The following P3H2 variants were observed in gnomAD, a reference collection of about 807,000 sequenced individuals.
The protein encoded by P3H2 is prolyl 3-hydroxylase 2.
P3H2 carries 80 observed loss-of-function variants against 87.0 expected under a neutral mutation model. The observed-to-expected ratio is 0.92, with a 90% CI of 0.77 to 1.11. P3H2 has a LOEUF of 1.11. Ranked by LOEUF, P3H2 falls within the 50% of genes least tolerant of loss-of-function variation. P3H2 has a pLI of 0.00. For synonymous variants in P3H2, 367 were observed against 359.3 expected, an observed-to-expected ratio of 1.02 and a Z score of -0.24; for missense variants, 1,001 against 923.9, an observed-to-expected ratio of 1.08 and a Z score of -1.08.
intron 8 of P3H2, among the ~76,000 whole-genome samples, chr3:189,977,467 G>C (rs1723386661): frequency 6.6e-6 from 1 of 152,166 alleles, no homozygotes; most frequent in Non-Finnish European, 1.5e-5. Context: ...ACTGAAACCG[G>C]TGAGAGATCC....
At position 190,120,622 on chromosome 3, in the gene P3H2, T is replaced by C. The variant is rs763838283; in HGVS notation, c.110A>G (p.Glu37Gly). 2 of 1,531,892 alleles carry C rather than the reference T, an allele frequency of 1.3e-6. No homozygotes were observed. The highest frequency in any genetic ancestry group is 1.4e-5 in the African/African-American group (1 of 70,974). 94.9% of individuals were successfully genotyped at this position (1,531,892 alleles called of 1,614,324 possible). A position where few individuals can be genotyped will look rare whatever the true frequency, so the allele number is the denominator to read the frequency against. Residue 37 changes from glutamate to glycine, a missense_variant, in exon 1 of 15, where the codon GAG becomes GGG. By Grantham distance (98) the Glu-to-Gly change is moderately conservative. Coordinates refer to ENST00000319332, the MANE Select transcript of P3H2 (RefSeq NM_018192.4). ...GTCGAAGGGCTGCAGAGGCCCGGGCTCCAGCTCCAGCTCCCGGCGTGGGCT... is the reference window on the plus strand; with the variant it reads ...GTCGAAGGGCTGCAGAGGCCCGGGCCCCAGCTCCAGCTCCCGGCGTGGGCT... ...PDSPRRELEL[E>G]PGPLQPFDLL...
At chr3:190,067,178 T>C (rs1006055913) in intron 1 of P3H2, among the ~76,000 whole-genome samples, 3 of 152,024 alleles carry the variant, frequency 2.0e-5, no homozygotes, top group African/African-American at 7.2e-5. Context: ...TTGTGTATTT[T>C]TGTAGATGTC....
chr3:190,093,728 T>C (rs1475865206), intron 1 of P3H2, among the ~76,000 whole-genome samples: 1 of 152,224 alleles, frequency 6.6e-6, no homozygotes, highest in East Asian at 1.9e-4. Context: ...GTTTGCTTTG[T>C]TTTGGGTTTG....
At position 189,956,959 on chromosome 3, in the gene P3H2, G is replaced by A. The variant is rs995398657; in HGVS notation, c.*953C>T. On this transcript the variant is annotated 3_prime_UTR_variant, in exon 15 of 15. Transcript: ENST00000319332. ...GCAGTATTCAAGAGTTTCTTCCAAA[G>A]TCACCAGGGTGAAAAGCCATTCTAC... The A allele has an allele frequency of 2.0e-5, 8 of 396,420 alleles. No homozygotes were observed. The highest frequency in any genetic ancestry group is 2.7e-5 in the Non-Finnish European group (6 of 225,262). 24.6% of individuals were successfully genotyped at this position (396,420 alleles called of 1,614,324 possible).
chr3:189,962,268 G>A (rs1560336912), intron 14 of P3H2, among the ~76,000 whole-genome samples: 1 of 148,026 alleles, frequency 6.8e-6, no homozygotes, highest in Admixed American at 6.9e-5. Context: ...TCCACCTCCT[G>A]GGTTCAAGCG....
At chr3:190,060,594 T>C (rs545401770) in intron 1 of P3H2, among the ~76,000 whole-genome samples, 18 of 152,324 alleles carry the variant, frequency 1.2e-4, no homozygotes, top group African/African-American at 3.8e-4. Flanking sequence ...TTTTATAGAA[T>C]TGGATGATGC....
intron 1 of P3H2, among the ~76,000 whole-genome samples, chr3:190,111,071 C>T (rs901122930): frequency 2.0e-5 from 3 of 149,042 alleles, no homozygotes; most frequent in Admixed American, 6.7e-5. Flanking sequence ...CTTCTACTTC[C>T]CTTCCAAAGA....
chr3:189,996,842 C>T (rs912952505), intron 1 of P3H2, among the ~76,000 whole-genome samples: 1 of 152,148 alleles, frequency 6.6e-6, no homozygotes, highest in Non-Finnish European at 1.5e-5. Flanking sequence ...TGCTTTACCA[C>T]ACAGCTTTGA....
At chr3:190,099,595 T>G (rs1036228538) in intron 1 of P3H2, among the ~76,000 whole-genome samples, 1 of 152,182 alleles carries the variant, frequency 6.6e-6, no homozygotes, top group East Asian at 1.9e-4. Context: ...TGAACCAAGG[T>G]TGGCTGAAAT....
At chr3:189,972,042 G>T in intron 11 of P3H2, 35 bp from the exon 12 acceptor site, 2 of 1,293,646 alleles carry the variant, frequency 1.5e-6, no homozygotes, top group South Asian at 1.2e-5. Context: ...AACGAGAAAT[G>T]AAGTGCAGCA....
chr3:190,098,209 G>A (rs1288486152), intron 1 of P3H2, among the ~76,000 whole-genome samples: 2 of 151,986 alleles, frequency 1.3e-5, no homozygotes, highest in Non-Finnish European at 2.9e-5. Flanking sequence ...AGTCCTTATT[G>A]CATACGTGTT....
chr3:189,975,064 C>T (rs1387763757), intron 8 of P3H2, among the ~76,000 whole-genome samples: 1 of 152,180 alleles, frequency 6.6e-6, no homozygotes, highest in African/African-American at 2.4e-5. Flanking sequence ...CCACAGATTG[C>T]ATGTTTGGGT....
At chr3:189,969,186 G>T in intron 13 of P3H2, 1 of 686,886 alleles carries the variant, frequency 1.5e-6, no homozygotes, top group Admixed American at 2.0e-5. Context: ...CTGCTTCCTC[G>T]TGCTCCTTCC....
At chr3:189,966,086 G>GAAAGAAAGAAAGAAAGAAA (rs1560338831) in intron 13 of P3H2, among the ~76,000 whole-genome samples, 12 of 119,766 alleles carry the variant, frequency 1.0e-4, no homozygotes, top group Non-Finnish European at 1.9e-4. Flanking sequence ...AAGAAAGGAA[G>GAAAGAAAGAAAGAAAGAAA]AAAGAAAGAA....
intron 1 of P3H2, among the ~76,000 whole-genome samples, chr3:190,060,554 G>C (rs1726299902): frequency 6.6e-6 from 1 of 152,076 alleles, no homozygotes; most frequent in Non-Finnish European, 1.5e-5. Flanking sequence ...TTTTTTAATA[G>C]CTATCATTGC....
At chr3:190,038,101 T>C (rs1725479245) in intron 1 of P3H2, among the ~76,000 whole-genome samples, 1 of 152,090 alleles carries the variant, frequency 6.6e-6, no homozygotes, top group East Asian at 1.9e-4. Context: ...TAGATCAAAT[T>C]GCTTTTGATT....
chr3:189,999,157 G>A (rs908102635), intron 1 of P3H2, among the ~76,000 whole-genome samples: 2 of 152,284 alleles, frequency 1.3e-5, no homozygotes, highest in African/African-American at 2.4e-5. Flanking sequence ...TGGTTATCAC[G>A]ATGAATGTGA....
In P3H2 at chr3:190,120,881, T is replaced by A. The variant is rs1712554074; in HGVS notation, c.-150A>T. 1.6e-6 allele frequency: 2 copies of A among 1,275,688 alleles called. No homozygotes were observed. The highest frequency in any genetic ancestry group is 3.0e-5 in the East Asian group (1 of 33,108). 79.0% of individuals were successfully genotyped at this position (1,275,688 alleles called of 1,614,324 possible). Reference sequence around the variant, plus strand: ...GCGAGCCCCAGGTGACCGCCGGCGCTCCGCGTACTGAGAGGCGGAGGCCGT... The same window carrying A: ...GCGAGCCCCAGGTGACCGCCGGCGCACCGCGTACTGAGAGGCGGAGGCCGT... On this transcript the variant is annotated 5_prime_UTR_variant, in exon 1 of 15. Coordinates refer to ENST00000319332, the MANE Select transcript of P3H2 (RefSeq NM_018192.4).
rs777787240 is a variant in P3H2 at position 189,971,959 on chromosome 3, T to C, written c.1748A>G (p.Asn583Ser). 7 of 1,613,848 alleles carry C rather than the reference T, an allele frequency of 4.3e-6. No individual in the cohort carries two copies. In the African/African-American group the frequency reaches 9.3e-5, roughly 22 times the overall value. ...NDLSHPIHAD[N>S]CLLDPEANEC... ...GTTGGCCTCTGGATCCAACAAACAG[T>C]TGTCAGCATGGATGGGATGACTGAG... The change falls in exon 12 of 15, where the codon AAC (asparagine) becomes AGC (serine). Residue 583 changes from asparagine to serine, a missense_variant. Physicochemically the swap from Asn to Ser is conservative, Grantham distance 46 (BLOSUM62 1). Transcript: ENST00000319332.
Sources: allele counts gnomAD v4.1 joint callset (sites outside exome capture counted in the v4.1 genomes callset), GRCh38; gene constraint gnomAD v4.1.1; transcripts MANE v1.5; gene names NCBI Gene and HGNC (gene_info 2026-07-23, HGNC 2026-07-21).